NECAB1: variants seen among roughly 807,000 people sequenced by gnomAD.
The protein encoded by NECAB1 is N-terminal EF-hand calcium-binding protein 1.
A neutral mutation model predicts 57.5 loss-of-function variants in NECAB1; 29 were observed. That is an observed-to-expected ratio of 0.50 (90% CI 0.38 to 0.69). The LOEUF (loss-of-function observed/expected upper bound fraction) is 0.69. Ranked by LOEUF, NECAB1 falls within the 30% of genes least tolerant of loss-of-function variation. The pLI, the probability that NECAB1 is intolerant of heterozygous loss-of-function variation, is 0.00. For missense variants in NECAB1, 372 were observed against 413.8 expected (o/e 0.90, Z 0.88); for synonymous variants, 142 against 147.7 (o/e 0.96, Z 0.28).
intron 6 of NECAB1, among the ~76,000 whole-genome samples, chr8:90,925,022 A>T (rs540350554): frequency 6.6e-6 from 1 of 152,040 alleles, no homozygotes; most frequent in South Asian, 2.1e-4. Context: ...ATATACTCAT[A>T]TGAAAGTAAA....
chr8:90,940,938 C>G, intron 10 of NECAB1, 40 bp downstream of exon 10: 1 of 1,439,534 alleles, frequency 6.9e-7, no homozygotes, highest in Non-Finnish European at 9.6e-7. Flanking sequence ...CTTTGGCAGC[C>G]TGGGAATACA....
rs1812664843 is a variant in NECAB1 at position 90,850,619 on chromosome 8, G to A, written c.234-21509G>A. ...TGCAAATCAGAATGTATGCGCTATT[G>A]GACAGCTGAGAGGAAAGAGTACTGG... On this transcript the variant is annotated intron_variant, in intron 3 of 12. Transcript: ENST00000417640. Among the ~76,000 whole-genome samples, 4 of 152,212 alleles carry A rather than the reference G, an allele frequency of 2.6e-5. No homozygotes were observed. The South Asian group carries it at 8.3e-4, about 31-fold the overall frequency.
intron 5 of NECAB1, among the ~76,000 whole-genome samples, chr8:90,901,555 G>A (rs947005278): frequency 1.3e-5 from 2 of 152,192 alleles, no homozygotes; most frequent in South Asian, 4.1e-4. Context: ...TAGTCTAGCC[G>A]AGGAGAGCTA....
chr8:90,869,009 T>C (rs1354320388), intron 3 of NECAB1, among the ~76,000 whole-genome samples: 3 of 152,244 alleles, frequency 2.0e-5, no homozygotes, highest in East Asian at 1.9e-4. Context: ...CATGGAGCCC[T>C]GCATCTTGGC....
intron 2 of NECAB1, among the ~76,000 whole-genome samples, chr8:90,803,873 A>G (rs1811803010): frequency 6.6e-6 from 1 of 152,172 alleles, no homozygotes; most frequent in African/African-American, 2.4e-5. Flanking sequence ...CTTTGCTTAC[A>G]TTCCTGCTCA....
intron 7 of NECAB1, 35 bp from the exon 8 acceptor site, chr8:90,928,188 T>G (rs753758899): frequency 6.7e-7 from 1 of 1,492,616 alleles, no homozygotes; most frequent in African/African-American, 1.4e-5. Context: ...GTCTAAAGTT[T>G]AACATATTGC....
intron 3 of NECAB1, among the ~76,000 whole-genome samples, chr8:90,863,506 TG>T (rs972510595): frequency 1.3e-5 from 2 of 152,122 alleles, no homozygotes; most frequent in Non-Finnish European, 2.9e-5. Flanking sequence ...GACAATTTTC[TG>T]ATGCTTTTGT....
At position 90,861,176 on chromosome 8, in the gene NECAB1, A is replaced by G. The variant is rs373619868; in HGVS notation, c.234-10952A>G. On this transcript the variant is annotated intron_variant, in intron 3 of 12. Coordinates refer to ENST00000417640, the MANE Select transcript of NECAB1 (RefSeq NM_022351.5). Reference sequence around the variant, plus strand: ...ATTACAATTGTTTCCATGTCCAAGGAGAATTAAAGGCATCCTCTACAATGT... The same window carrying G: ...ATTACAATTGTTTCCATGTCCAAGGGGAATTAAAGGCATCCTCTACAATGT... Among the ~76,000 whole-genome samples, 27 of 152,218 alleles carry G rather than the reference A, an allele frequency of 1.8e-4. No homozygotes were observed. In the East Asian group the frequency reaches 4.1e-3, roughly 23 times the overall value.
intron 12 of NECAB1, among the ~76,000 whole-genome samples, chr8:90,955,117 TATATATATATATATA>T (rs1563548999): frequency 2.0e-4 from 17 of 86,860 alleles, no homozygotes; most frequent in African/African-American, 1.2e-3. Context: ...ATAAATTATA[TATATATATATATATA>T]TATATATATA....
At chr8:90,828,131 G>GTTTTTTT (rs397961666) in intron 3 of NECAB1, among the ~76,000 whole-genome samples, 6 of 143,494 alleles carry the variant, frequency 4.2e-5, no homozygotes, top group Non-Finnish European at 3.0e-5. Flanking sequence ...GTTCACTGCA[G>GTTTTTTT]TTTTTTTTTT....
chr8:90,952,228 A>C lies in NECAB1; in HGVS notation c.1030+1024A>C, dbSNP rs949186799. Among the ~76,000 whole-genome samples, 53 of 152,090 alleles carry C rather than the reference A, an allele frequency of 3.5e-4. 1 individual carries two copies. Among genetic ancestry groups the C allele is most frequent in the African/African-American group, 1.3e-3 (52 of 41,422 alleles). On this transcript the variant is annotated intron_variant, in intron 12 of 12. Transcript: ENST00000417640. ...ATAATCTAGGCCAGGGAAGAAAAAA[A>C]AAAAAACCTGCACCAGGAAATAGCC... is the stretch of plus-strand genomic sequence containing the variant.
chr8:90,822,189 G>C (rs1812154522), intron 2 of NECAB1, among the ~76,000 whole-genome samples: 1 of 151,844 alleles, frequency 6.6e-6, no homozygotes, highest in Admixed American at 6.6e-5. Flanking sequence ...GGTTAACTCT[G>C]TTGTTCCATT....
At chr8:90,803,487 C>T (rs1563491400) in intron 2 of NECAB1, among the ~76,000 whole-genome samples, 2 of 152,114 alleles carry the variant, frequency 1.3e-5, no homozygotes, top group South Asian at 2.1e-4. Context: ...CTCTTCTTTC[C>T]ATCAAAATTA....
intron 5 of NECAB1, among the ~76,000 whole-genome samples, chr8:90,907,919 A>G (rs548623898): frequency 2.6e-4 from 40 of 152,344 alleles, no homozygotes; most frequent in African/African-American, 8.2e-4. Flanking sequence ...TTTATAAACT[A>G]CTATTTTCCA....
At chr8:90,919,423 A>G (rs1325442243) in intron 6 of NECAB1, among the ~76,000 whole-genome samples, 2 of 152,176 alleles carry the variant, frequency 1.3e-5, no homozygotes, top group African/African-American at 4.8e-5. Flanking sequence ...GGACATCTCC[A>G]AAATAGTGGA....
Position 90,955,112 on chromosome 8 carries a change from T to TTATATATATATATATATA in NECAB1, c.1031-355_1031-338dup, listed in dbSNP as rs59244524. On this transcript the variant is annotated intron_variant, in intron 12 of 12. Transcript: ENST00000417640. The stretch of plus-strand genomic sequence containing the variant: ...ATTTCATAAATATTGGGTATATAAA[T>TTATATATATATATATATA]TATATATATATATATATATATATAT... 3.7e-4 allele frequency among the ~76,000 whole-genome samples: 26 copies of TTATATATATATATATATA among 70,804 alleles called. 1 individual carries two copies. Among genetic ancestry groups the TTATATATATATATATATA allele is most frequent in the East Asian group, 7.0e-4 (1 of 1,422 alleles). 46.5% of individuals were successfully genotyped at this position (70,804 alleles called of 152,430 possible).
chr8:90,951,041 A>G, intron 11 of NECAB1, 72 bp from the exon 12 acceptor site: 2 of 852,136 alleles, frequency 2.3e-6, no homozygotes, highest in Non-Finnish European at 3.5e-6. Context: ...TCTTGATCAA[A>G]TTTGATCTCT....
intron 3 of NECAB1, among the ~76,000 whole-genome samples, chr8:90,868,898 C>A (rs1808567461): frequency 6.6e-6 from 1 of 152,322 alleles, no homozygotes; most frequent in East Asian, 1.9e-4. Context: ...ATTTCAGAGA[C>A]CTTTGTGGCA....
chr8:90,822,671 C>T (rs908148263), intron 2 of NECAB1, among the ~76,000 whole-genome samples: 1 of 151,738 alleles, frequency 6.6e-6, no homozygotes, highest in Non-Finnish European at 1.5e-5. Flanking sequence ...AGCAGTATTA[C>T]AGGGGCCCAC....
Sources: gnomAD v4.1 joint callset for allele counts (sites outside exome capture counted in the v4.1 genomes callset) on GRCh38, gnomAD v4.1.1 for gene constraint, MANE v1.5 for transcripts, NCBI Gene and HGNC (gene_info 2026-07-23, HGNC 2026-07-21) for gene names.